Variants in RYR2 observed in about 807,000 individuals in gnomAD.
RYR2 encodes cardiac muscle ryanodine receptor-calcium release channel.
A neutral mutation model predicts 601.1 loss-of-function variants in RYR2; 227 were observed. The observed-to-expected ratio is 0.38, with a 90% CI of 0.34 to 0.42. The LOEUF (loss-of-function observed/expected upper bound fraction) is 0.42. Among genes scored for constraint, RYR2 ranks in the 10% least tolerant of loss-of-function variants. The probability of loss-of-function intolerance (pLI) is 1.00; values close to 1 mark genes in which losing one functional copy is unlikely to be tolerated. For synonymous variants in RYR2, 2,223 were observed against 2,175.1 expected (o/e 1.02, Z -0.61); for missense variants, 4,646 against 6,156.5 (o/e 0.75, Z 8.21).
intron 51 of RYR2, among the ~76,000 whole-genome samples, chr1:237,652,768 C>G (rs1220036289): frequency 2.0e-5 from 3 of 152,014 alleles, no homozygotes; most frequent in African/African-American, 7.2e-5. Context: ...CATGCTGTTA[C>G]CCTTATGCAA....
chr1:237,499,909 A>G (rs1664455823), intron 20 of RYR2, among the ~76,000 whole-genome samples: 1 of 152,198 alleles, frequency 6.6e-6, no homozygotes, highest in East Asian at 1.9e-4. Flanking sequence ...CTCGGGACGA[A>G]TTAGCAAAGG....
chr1:237,711,884 A>T, intron 71 of RYR2, 47 bp downstream of exon 71: 1 of 873,006 alleles, frequency 1.1e-6, no homozygotes, highest in South Asian at 1.5e-5. Context: ...TCTGAATGTG[A>T]CTTTCATGAA....
Position 237,723,169 on chromosome 1 carries a change from AG to A in RYR2, c.10597del (p.Asp3533ThrfsTer16). On this transcript the variant is annotated frameshift_variant, in exon 74 of 105. Coordinates refer to ENST00000366574, the MANE Select transcript of RYR2 (RefSeq NM_001035.3). LOFTEE classifies it high-confidence loss of function. Reference protein sequence around the residue: ...AIRWQMALYKDLPNRTDDTSD... With the variant: ...AIRWQMALYKXLPNRTDDTSD... ...TTAGATGGCAAATGGCTCTTTACAAAGACTTACCAAACAGGACTGATGATAC... is the reference window on the plus strand; with the variant it reads ...TTAGATGGCAAATGGCTCTTTACAAAACTTACCAAACAGGACTGATGATAC... 1 of 1,612,514 alleles carries A rather than the reference AG, an allele frequency of 6.2e-7. No homozygotes were observed. Among genetic ancestry groups the A allele is most frequent in the Non-Finnish European group, 8.5e-7 (1 of 1,178,944 alleles).
chr1:237,375,903 A>C (rs1227170275), intron 7 of RYR2, among the ~76,000 whole-genome samples: 2 of 152,206 alleles, frequency 1.3e-5, no homozygotes, highest in East Asian at 3.8e-4. Flanking sequence ...AAAACAAAAC[A>C]AGTCAGTGTT....
chr1:237,322,822 G>A (rs1291079777), intron 2 of RYR2, among the ~76,000 whole-genome samples: 9 of 85,874 alleles, frequency 1.0e-4, no homozygotes, highest in South Asian at 3.2e-4. Context: ...ACACACACAC[G>A]TGTGTGTGTG....
chr1:237,317,783 C>T (rs1051504721), intron 2 of RYR2, among the ~76,000 whole-genome samples: 3 of 151,958 alleles, frequency 2.0e-5, no homozygotes, highest in African/African-American at 7.2e-5. Context: ...AGCTGTTTCA[C>T]CTCTTACGGT....
intron 1 of RYR2, among the ~76,000 whole-genome samples, chr1:237,217,503 G>A: frequency 6.6e-6 from 1 of 152,152 alleles, no homozygotes; most frequent in East Asian, 1.9e-4. Context: ...CATAACAGCT[G>A]TGTGACCCCA....
chr1:237,427,902 G>A (rs1706355838), intron 12 of RYR2, among the ~76,000 whole-genome samples: 3 of 149,784 alleles, frequency 2.0e-5, no homozygotes, highest in African/African-American at 7.3e-5. Flanking sequence ...GTATTGAAGA[G>A]TGCAAGATAG....
In RYR2 at chr1:237,631,297, C is replaced by T. The variant is rs1000655596; in HGVS notation, c.6441-130C>T. On this transcript the variant is annotated intron_variant, in intron 41 of 104. Coordinates refer to ENST00000366574, the MANE Select transcript of RYR2 (RefSeq NM_001035.3). Reference sequence around the variant, plus strand: ...CAATTACATTCATTAATTTTTGTGGCTTATTAAATACTGTGATTGCTTTTA... The same window carrying T: ...CAATTACATTCATTAATTTTTGTGGTTTATTAAATACTGTGATTGCTTTTA... 62 of 607,970 alleles carry T rather than the reference C, an allele frequency of 1.0e-4. 1 individual carries two copies. Among genetic ancestry groups the T allele is most frequent in the Middle Eastern group, 2.6e-4 (1 of 3,812 alleles). The allele number at this position is 607,970 out of a possible 1,614,324, so 37.7% of individuals were successfully genotyped here.
intron 1 of RYR2, among the ~76,000 whole-genome samples, chr1:237,049,809 G>A (rs59356299): frequency 0.016 from 2,447 of 152,234 alleles, 81 homozygotes; most frequent in African/African-American, 0.056. Context: ...GGACTACTTA[G>A]GTTCGGATCC....
chr1:237,730,208 T>G (rs1690552126), intron 76 of RYR2, 52 bp from the exon 77 acceptor site: 1 of 1,021,328 alleles, frequency 9.8e-7, no homozygotes, highest in Non-Finnish European at 1.6e-6. Context: ...CTCAATACAA[T>G]TTCAACTTAT....
At chr1:237,693,891 A>T (rs1277223064) in intron 63 of RYR2, among the ~76,000 whole-genome samples, 1 of 152,210 alleles carries the variant, frequency 6.6e-6, no homozygotes, top group East Asian at 1.9e-4. Context: ...GACGTCTTTA[A>T]ATGATGATTT....
At chr1:237,434,893 A>G (rs1707187909) in intron 12 of RYR2, among the ~76,000 whole-genome samples, 1 of 152,076 alleles carries the variant, frequency 6.6e-6, no homozygotes, top group Non-Finnish European at 1.5e-5. Flanking sequence ...CTCCCACCTC[A>G]GCCTCCCAAG....
chr1:237,311,240 C>G (rs1694529878), intron 2 of RYR2, among the ~76,000 whole-genome samples: 2 of 152,116 alleles, frequency 1.3e-5, no homozygotes, highest in Admixed American at 1.3e-4. Context: ...TGATATTTCT[C>G]CATTTTCTAA....
chr1:237,073,950 T>C (rs1420168040), intron 1 of RYR2, among the ~76,000 whole-genome samples: 1 of 151,770 alleles, frequency 6.6e-6, no homozygotes, highest in Non-Finnish European at 1.5e-5. Flanking sequence ...ACAAAATATA[T>C]GGTTAAAATT....
intron 17 of RYR2, among the ~76,000 whole-genome samples, chr1:237,482,239 C>T (rs1384787171): frequency 6.6e-6 from 1 of 151,932 alleles, no homozygotes; most frequent in African/African-American, 2.4e-5. Flanking sequence ...TTAAAATGTG[C>T]AATTAAGTTA....
In RYR2 at chr1:237,417,083, C is replaced by T. The variant is rs745558219; in HGVS notation, c.808C>T (p.His270Tyr). The T allele has an allele frequency of 6.2e-7, 1 of 1,613,718 alleles. No homozygotes were observed. The highest frequency in any genetic ancestry group is 8.5e-7 in the Non-Finnish European group (1 of 1,179,826). The change falls in exon 11 of 105, where the codon CAT (histidine) becomes TAT (tyrosine). Residue 270 changes from histidine (H) to tyrosine (Y), a missense_variant. His to Tyr is a moderately conservative substitution (Grantham distance 83, BLOSUM62 2). This residue lies in a region of RYR2 where 87 missense variants were observed against 144.7 expected (regional missense o/e 0.60). Transcript: ENST00000366574. ...VHYEGGAVSV[H>Y]ARSLWRLETL... ...TTATGAAGGTGGCGCTGTGTCTGTT[C>T]ATGCACGTTCCCTTTGGAGACTAGA...
At chr1:237,211,313 C>G (rs1443121867) in intron 1 of RYR2, among the ~76,000 whole-genome samples, 4 of 152,160 alleles carry the variant, frequency 2.6e-5, no homozygotes, top group African/African-American at 9.7e-5. Flanking sequence ...TACAAGTTAT[C>G]AATGTGCTCT....
intron 10 of RYR2, among the ~76,000 whole-genome samples, chr1:237,402,886 A>ATGATT (rs1703504926): frequency 1.3e-5 from 2 of 149,088 alleles, no homozygotes; most frequent in Admixed American, 6.7e-5. Flanking sequence ...GCCTCAAACC[A>ATGATT]TCCCCCTGCT....
Sources: gnomAD v4.1 joint callset for allele counts (sites outside exome capture counted in the v4.1 genomes callset) on GRCh38, gnomAD v4.1.1 for gene constraint, gnomAD v4.1.1 regional missense constraint, MANE v1.5 for transcripts, NCBI Gene and HGNC (gene_info 2026-07-23, HGNC 2026-07-21) for gene names.